FARP1: variants seen among roughly 807,000 people sequenced by gnomAD.
The protein encoded by FARP1 is FERM, ARH/RhoGEF and pleckstrin domain protein 1, also known as FERM, ARHGEF and pleckstrin domain-containing protein 1.
In FARP1, 52 loss-of-function variants were observed where a neutral mutation model predicts 128.8. That is an observed-to-expected ratio of 0.40 (90% CI 0.32 to 0.51). FARP1 has a LOEUF of 0.51. FARP1 is among the 20% of genes least tolerant of loss of function. The pLI is 0.45. For missense variants in FARP1, 1,333 were observed against 1,367.9 expected (o/e 0.97, Z 0.40); for synonymous variants, 580 against 551.8 (o/e 1.05, Z -0.72).
chr13:98,431,318 C>G, intron 18 of FARP1, 38 bp downstream of exon 18: 1 of 1,450,528 alleles, frequency 6.9e-7, no homozygotes, highest in East Asian at 2.4e-5. Context: ...GTGCCCATGC[C>G]ACAGTTCAGG....
At chr13:98,221,587 G>C (rs1328793365) in intron 2 of FARP1, among the ~76,000 whole-genome samples, 1 of 152,334 alleles carries the variant, frequency 6.6e-6, no homozygotes, top group East Asian at 1.9e-4. Flanking sequence ...TGCAGCTTCT[G>C]TGAGCTTCAG....
chr13:98,205,559 AT>A (rs911052540), intron 1 of FARP1, among the ~76,000 whole-genome samples: 3 of 151,784 alleles, frequency 2.0e-5, no homozygotes, highest in African/African-American at 7.3e-5. Context: ...TGCCCGGCTA[AT>A]TTTTTTGTAT....
intron 3 of FARP1, among the ~76,000 whole-genome samples, chr13:98,360,787 G>A (rs192652210): frequency 6.6e-5 from 10 of 152,332 alleles, no homozygotes; most frequent in African/African-American, 2.4e-4. Context: ...ATTTCAGCCA[G>A]ATGCCTTTCC....
rs1555329634 is a variant in FARP1 at position 98,232,144 on chromosome 13, G to GTTTTTTTTTTTTTTTTTTTTTTTTTT, written c.171+18731_171+18732insTTTTTTTTTTTTTTTTTTTTTTTTTT. 1.1e-4 allele frequency among the ~76,000 whole-genome samples: 12 copies of GTTTTTTTTTTTTTTTTTTTTTTTTTT among 111,692 alleles called. 2 individuals carry two copies. The highest frequency in any genetic ancestry group is 1.7e-4 in the African/African-American group (4 of 23,596). The allele number at this position is 111,692 out of a possible 152,430, so 73.3% of individuals were successfully genotyped here. A position where few individuals can be genotyped will look rare whatever the true frequency, so the allele number is the denominator to read the frequency against. On this transcript the variant is annotated intron_variant, in intron 2 of 26. Coordinates refer to ENST00000319562, the MANE Select transcript of FARP1 (RefSeq NM_005766.4). ...CGTGCCCGGCTTTTTTTGTTTGGTT[G>GTTTTTTTTTTTTTTTTTTTTTTTTTT]GTTTTTTTTTTTTTTTTTTTTTGCT...
intron 2 of FARP1, among the ~76,000 whole-genome samples, chr13:98,240,691 G>A (rs1327045049): frequency 6.6e-6 from 1 of 152,252 alleles, no homozygotes; most frequent in Non-Finnish European, 1.5e-5. Context: ...CACTGGTCGG[G>A]AGAGGATGAG....
chr13:98,271,905 T>C (rs1331688202), intron 2 of FARP1, among the ~76,000 whole-genome samples: 2 of 152,238 alleles, frequency 1.3e-5, no homozygotes, highest in Non-Finnish European at 2.9e-5. Context: ...TACGTGTGCA[T>C]GCTTCCTTAT....
intron 19 of FARP1, 99 bp downstream of exon 19, chr13:98,435,805 C>A: frequency 8.0e-7 from 1 of 1,246,520 alleles, no homozygotes. Flanking sequence ...CCTTGCAAAG[C>A]AAAATGTCCT....
chr13:98,425,765 A>G (rs538226152), intron 17 of FARP1, among the ~76,000 whole-genome samples: 88 of 152,360 alleles, frequency 5.8e-4, no homozygotes, highest in African/African-American at 2.1e-3. Context: ...AAAGAAGTCA[A>G]TAAATATTAA....
intron 1 of FARP1, among the ~76,000 whole-genome samples, chr13:98,196,584 A>AAGG (rs1879581615): frequency 6.6e-6 from 1 of 152,220 alleles, no homozygotes; most frequent in African/African-American, 2.4e-5. Flanking sequence ...AAATCCAGGA[A>AAGG]AGAGGAAGTT....
At chr13:98,317,452 C>T (rs1468238407) in intron 2 of FARP1, among the ~76,000 whole-genome samples, 1 of 152,162 alleles carries the variant, frequency 6.6e-6, no homozygotes, top group East Asian at 1.9e-4. Context: ...GGTCTCCTTC[C>T]TTGTTTTGAA....
At chr13:98,234,595 A>C (rs1474666772) in intron 2 of FARP1, 1 of 152,212 alleles carries the variant, frequency 6.6e-6, no homozygotes, top group East Asian at 1.9e-4. Flanking sequence ...GTTATTATGG[A>C]AATATTGTGG....
intron 1 of FARP1, among the ~76,000 whole-genome samples, chr13:98,145,756 A>AG (rs11381723): frequency 0.96 from 145,191 of 151,784 alleles, 69,772 homozygotes; most frequent in East Asian, 1. Context: ...CCAGCTGCTC[A>AG]GAGGCTAAGC....
rs59128917 is a variant in FARP1 at position 98,256,948 on chromosome 13, G to GGTATATAT, written c.171+43535_171+43536insGTATATAT. On this transcript the variant is annotated intron_variant, in intron 2 of 26. Transcript: ENST00000319562. Reference sequence around the variant, plus strand: ...CAATAATTTTCAAAGTATATATGTGGATATATATATATATATATATATATA... The same window carrying GGTATATAT: ...CAATAATTTTCAAAGTATATATGTGGGTATATATATATATATATATATATATATATATA... Among the ~76,000 whole-genome samples, 244 of 77,084 alleles carry GGTATATAT rather than the reference G, an allele frequency of 3.2e-3. 38 individuals are homozygous for GGTATATAT. Among genetic ancestry groups the GGTATATAT allele is most frequent in the Non-Finnish European group, 4.4e-3 (162 of 37,088 alleles). 50.6% of individuals were successfully genotyped at this position (77,084 alleles called of 152,430 possible). A position where few individuals can be genotyped will look rare whatever the true frequency, so the allele number is the denominator to read the frequency against.
intron 26 of FARP1, chr13:98,447,997 G>C (rs1257456447): frequency 7.1e-6 from 4 of 565,738 alleles, no homozygotes; most frequent in Admixed American, 6.3e-5. Flanking sequence ...CAATGGAGCG[G>C]GCAGTGTCAC....
rs1182279808 is a variant in FARP1 at position 98,153,342 on chromosome 13, AAT to A, written c.-24+9858_-24+9859del. Among the ~76,000 whole-genome samples the A allele has an allele frequency of 1.4e-3, 55 of 38,584 alleles. No individual in the cohort carries two copies. The South Asian group carries it at 0.18, about 125-fold the overall frequency. The allele number at this position is 38,584 out of a possible 152,430, so 25.3% of individuals were successfully genotyped here. A position where few individuals can be genotyped will look rare whatever the true frequency, so the allele number is the denominator to read the frequency against. ...ATATAAATAATATAATATATAAAAT[AAT>A]ATATATAAAAATATATAAAATATGT... On this transcript the variant is annotated intron_variant, in intron 1 of 26. Transcript: ENST00000319562.
intron 10 of FARP1, 159 bp from the exon 11 acceptor site, chr13:98,390,653 A>G: frequency 3.5e-6 from 2 of 576,656 alleles, no homozygotes; most frequent in South Asian, 5.0e-5. Context: ...CCAAAAATAC[A>G]GAGTCTGTCA....
intron 1 of FARP1, among the ~76,000 whole-genome samples, chr13:98,205,551 C>T (rs1367480617): frequency 6.6e-6 from 1 of 152,044 alleles, no homozygotes; most frequent in Admixed American, 6.6e-5. Context: ...CACCACCATG[C>T]CCGGCTAATT....
intron 4 of FARP1, among the ~76,000 whole-genome samples, chr13:98,365,913 G>GTGTGTGTGTGTGTGTA (rs1239165336): frequency 7.8e-4 from 118 of 151,782 alleles, no homozygotes; most frequent in African/African-American, 2.7e-3. Flanking sequence ...GTGTGTGTGT[G>GTGTGTGTGTGTGTGTA]TGTGTTTCTG....
chr13:98,371,162 T>G (rs1889309652), intron 5 of FARP1, among the ~76,000 whole-genome samples: 1 of 151,950 alleles, frequency 6.6e-6, no homozygotes, highest in Non-Finnish European at 1.5e-5. Context: ...ACCAGGGCTC[T>G]TTCTTGCTCA....
Sources: gnomAD v4.1 joint callset for allele counts (sites outside exome capture counted in the v4.1 genomes callset) on GRCh38, gnomAD v4.1.1 for gene constraint, MANE v1.5 for transcripts, NCBI Gene and HGNC (gene_info 2026-07-23, HGNC 2026-07-21) for gene names.